NUMA1: variants seen among roughly 807,000 people sequenced by gnomAD.
NUMA1 encodes SP-H antigen.
In NUMA1, 62 loss-of-function variants were observed where a neutral mutation model predicts 237.1. That is an observed-to-expected ratio of 0.26 (90% CI 0.21 to 0.32). NUMA1 has a LOEUF of 0.32. Among genes scored for constraint, NUMA1 ranks in the 10% least tolerant of loss-of-function variants. The pLI, the probability that NUMA1 is intolerant of heterozygous loss-of-function variation, is 1.00. For missense variants in NUMA1, 2,533 were observed against 2,666.5 expected, an observed-to-expected ratio of 0.95 and a Z score of 1.10; for synonymous variants, 1,028 against 1,066.1, an observed-to-expected ratio of 0.96 and a Z score of 0.70.
At chr11:72,046,476 G>A (rs561687975) in intron 2 of NUMA1, among the ~76,000 whole-genome samples, 8 of 152,116 alleles carry the variant, frequency 5.3e-5, no homozygotes, top group South Asian at 2.1e-4. Context: ...TCCTGGAGGC[G>A]GAGGTTGTGG....
intron 16 of NUMA1, among the ~76,000 whole-genome samples, chr11:72,012,061 T>C (rs756553978): frequency 6.6e-6 from 1 of 152,238 alleles, no homozygotes; most frequent in Non-Finnish European, 1.5e-5. Context: ...TATCCTTAAC[T>C]AGACACAGTA....
intron 10 of NUMA1, 72 bp downstream of exon 10, chr11:72,018,751 A>T: frequency 6.5e-7 from 1 of 1,531,528 alleles, no homozygotes; most frequent in South Asian, 1.2e-5. Context: ...AGCAGAGGGG[A>T]CAACATGGGA....
At chr11:72,029,367 G>C (rs1304069531) in intron 3 of NUMA1, 77 bp from the exon 4 acceptor site, 2 of 850,426 alleles carry the variant, frequency 2.4e-6, no homozygotes, top group African/African-American at 3.4e-5. Flanking sequence ...GGCTTAATGT[G>C]AGTGCTTACA....
At chr11:72,050,434 T>C (rs1031244365) in intron 2 of NUMA1, among the ~76,000 whole-genome samples, 7 of 152,146 alleles carry the variant, frequency 4.6e-5, no homozygotes, top group African/African-American at 1.4e-4. Context: ...AAGAACCAAC[T>C]TGTCAATATG....
At chr11:72,008,513 C>A in intron 20 of NUMA1, 175 bp downstream of exon 20, 1 of 714,738 alleles carries the variant, frequency 1.4e-6, no homozygotes, top group Non-Finnish European at 2.3e-6. Flanking sequence ...CCTTTCTTGA[C>A]CACTTGCTTT....
At chr11:72,049,577 A>ATATATATATATATATATATATC (rs1565275108) in intron 2 of NUMA1, 1 of 19,928 alleles carries the variant, frequency 5.0e-5, no homozygotes, top group Non-Finnish European at 2.8e-4. Context: ...ATATATATAT[A>ATATATATATATATATATATATC]TATATAGTGT....
At position 72,013,347 on chromosome 11, in the gene NUMA1, C is replaced by G; in HGVS notation, c.4156G>C (p.Glu1386Gln). 1 of 1,608,376 alleles carries G rather than the reference C, an allele frequency of 6.2e-7. No individual in the cohort carries two copies. The highest frequency in any genetic ancestry group is 8.5e-7 in the Non-Finnish European group (1 of 1,179,882). The change falls in exon 15 of 27, where the codon GAG becomes CAG. Residue 1386 changes from glutamate (E) to glutamine (Q), a missense_variant. Glu to Gln is a conservative substitution (Grantham distance 29, BLOSUM62 2). Around this residue, in one of 3 missense-constraint regions of NUMA1, gnomAD observed 324 missense variants for 407.6 expected, o/e 0.79. Transcript: ENST00000393695. The surrounding 1 kb of genome is among the most constrained non-coding windows in gnomAD (Gnocchi z 6.8). ...AAEKRHREEL[E>Q]QSKQAAGGLR... ...CCCCCAGCGGCCTGCTTGCTCTGCTCCAGCTCCTCACGGTGGCGTTTCTCG... is the reference window on the plus strand; with the variant it reads ...CCCCCAGCGGCCTGCTTGCTCTGCTGCAGCTCCTCACGGTGGCGTTTCTCG...
At chr11:72,008,912 G>A (rs1955944095) in intron 19 of NUMA1, 55 bp downstream of exon 19, 1 of 1,612,400 alleles carries the variant, frequency 6.2e-7, no homozygotes, top group Non-Finnish European at 8.5e-7. Flanking sequence ...AGGAGGAGAG[G>A]GCACAGGGGT....
At position 72,007,447 on chromosome 11, in the gene NUMA1, A is replaced by AG; in HGVS notation, c.5217-13_5217-12insC. 1.2e-6 allele frequency: 2 copies of AG among 1,612,656 alleles called. No homozygotes were observed. The highest frequency in any genetic ancestry group is 1.7e-6 in the Non-Finnish European group (2 of 1,179,836). On this transcript the variant is annotated splice_polypyrimidine_tract_variant and intron_variant, in intron 20 of 26. Coordinates refer to ENST00000393695, the MANE Select transcript of NUMA1 (RefSeq NM_006185.4). Reference sequence around the variant, plus strand: ...TACGAGGCAGCTTGCTATGGAAAGGAAACCTGCTGAGGTACAGTCCTTCAC... The same window carrying AG: ...TACGAGGCAGCTTGCTATGGAAAGGAGAACCTGCTGAGGTACAGTCCTTCAC...
At chr11:72,075,931 C>A (rs879639698) in intron 1 of NUMA1, among the ~76,000 whole-genome samples, 1 of 152,120 alleles carries the variant, frequency 6.6e-6, no homozygotes, top group Non-Finnish European at 1.5e-5. Context: ...GATCTTGAGT[C>A]CACAAAAGGC....
In NUMA1 at chr11:72,012,431, T is replaced by C. The variant is rs1049637039; in HGVS notation, c.4620A>G (p.Leu1540=). The C allele has an allele frequency of 6.2e-7, 1 of 1,613,062 alleles. No homozygotes were observed. Among genetic ancestry groups the C allele is most frequent in the Non-Finnish European group, 8.5e-7 (1 of 1,179,508 alleles). Residue 1540 remains leucine, a synonymous_variant, in exon 16 of 27, where the codon CTA becomes CTG. Coordinates refer to ENST00000393695, the MANE Select transcript of NUMA1 (RefSeq NM_006185.4). ...RQKLTAQVEQ[L]EVFQREQTKQ... is the part of the protein sequence containing the mutation. ...TAGTTTGCTCTCTCTGAAATACCTC[T>C]AGCTGCTCCACCTGTACATGGGGGA...
At chr11:72,021,172 G>T in intron 8 of NUMA1, 32 bp downstream of exon 8, 2 of 1,513,976 alleles carry the variant, frequency 1.3e-6, no homozygotes, top group African/African-American at 1.4e-5. Flanking sequence ...TTTCAGAGAT[G>T]AGGGGATTCT....
At position 72,013,765 on chromosome 11, in the gene NUMA1, C is replaced by A; in HGVS notation, c.3738G>T (p.Gly1246=). 2 of 1,610,088 alleles carry A rather than the reference C, an allele frequency of 1.2e-6. No individual in the cohort carries two copies. Among genetic ancestry groups the A allele is most frequent in the African/African-American group, 2.7e-5 (2 of 75,046 alleles). Residue 1246 remains glycine, a synonymous_variant, in exon 15 of 27, where the codon GGG becomes GGT. Coordinates refer to ENST00000393695, the MANE Select transcript of NUMA1 (RefSeq NM_006185.4). The surrounding 1 kb of genome is among the most constrained non-coding windows in gnomAD (Gnocchi z 6.8). ...CCAGCCGCTTCAACTCCTTGCTCTCCCCCTCCTTCTCCAGGACCTGGCGAT... is the reference window on the plus strand; with the variant it reads ...CCAGCCGCTTCAACTCCTTGCTCTCACCCTCCTTCTCCAGGACCTGGCGAT... The part of the protein sequence containing the change: ...ILNRQVLEKE[G]ESKELKRLVM...
At chr11:72,067,472 A>C (rs1943251438) in intron 2 of NUMA1, 1 of 152,244 alleles carries the variant, frequency 6.6e-6, no homozygotes, top group South Asian at 2.1e-4. Flanking sequence ...GGTCCTACCA[A>C]GGAATGACTT....
intron 2 of NUMA1, among the ~76,000 whole-genome samples, chr11:72,040,245 C>T (rs569965538): frequency 2.0e-5 from 3 of 152,222 alleles, no homozygotes; most frequent in South Asian, 4.1e-4. Flanking sequence ...CACAGAACCC[C>T]AAAGCCCTGG....
chr11:72,026,456 T>C (rs2135452793), intron 4 of NUMA1, among the ~76,000 whole-genome samples: 1 of 152,374 alleles, frequency 6.6e-6, no homozygotes, highest in East Asian at 1.9e-4. Flanking sequence ...TCTGGCAAAA[T>C]GCCTCCACTA....
rs773180132 is a variant in NUMA1, at chr11:72,005,338, C to T, written c.5724G>A (p.Gln1908=). Reference sequence around the variant, plus strand: ...AGTCATCCAGCTGCTCAGGCTCATCCTGGCAAGTGCCCATGTAGAAGCTGT... The same window carrying T: ...AGTCATCCAGCTGCTCAGGCTCATCTTGGCAAGTGCCCATGTAGAAGCTGT... ...GRNSFYMGTC[Q]DEPEQLDDWN... The change falls in exon 23 of 27, where the codon CAG becomes CAA. Residue 1908 remains glutamine, a synonymous_variant. Coordinates refer to ENST00000393695, the MANE Select transcript of NUMA1 (RefSeq NM_006185.4). 1.2e-6 allele frequency: 2 copies of T among 1,608,382 alleles called. No homozygotes were observed. Among genetic ancestry groups the T allele is most frequent in the African/African-American group, 2.7e-5 (2 of 74,460 alleles).
At chr11:72,016,883 TGGC>T (rs1937868619) in intron 13 of NUMA1, 1 of 208,964 alleles carries the variant, frequency 4.8e-6, no homozygotes, top group Non-Finnish European at 9.6e-6. Context: ...GCAATACCAC[TGGC>T]AGCAGCTGCA....
At chr11:72,047,138 C>T (rs930159843) in intron 2 of NUMA1, among the ~76,000 whole-genome samples, 1 of 151,892 alleles carries the variant, frequency 6.6e-6, no homozygotes, top group Non-Finnish European at 1.5e-5. Flanking sequence ...CATGCCATCG[C>T]ATCAGGATTT....
Sources: allele counts gnomAD v4.1 joint callset (sites outside exome capture counted in the v4.1 genomes callset), GRCh38; gene constraint gnomAD v4.1.1; regional missense constraint gnomAD v4.1.1; non-coding constraint Gnocchi (gnomAD v3.1); transcripts MANE v1.5; gene names NCBI Gene and HGNC (gene_info 2026-07-23, HGNC 2026-07-21).